TSGA10: variants seen among roughly 807,000 people sequenced by gnomAD.
TSGA10 encodes the protein testis-specific gene 10 protein.
Under a neutral mutation model 96.6 loss-of-function variants are expected in TSGA10, and 43 were observed. The ratio of observed to expected loss-of-function variants is 0.44; its 90% confidence interval spans 0.35 to 0.57. The LOEUF (loss-of-function observed/expected upper bound fraction) is 0.57, where lower values mean the gene tolerates loss of function less well. Ranked by LOEUF, TSGA10 falls within the 20% of genes least tolerant of loss-of-function variation. The pLI, the probability that TSGA10 is intolerant of heterozygous loss-of-function variation, is 0.01. For synonymous variants in TSGA10, 229 were observed against 269.9 expected (o/e 0.85, Z 1.48); for missense variants, 703 against 834.4 (o/e 0.84, Z 1.94).
chr2:99,033,843 A>G (rs2081359897), intron 17 of TSGA10, among the ~76,000 whole-genome samples: 1 of 152,062 alleles, frequency 6.6e-6, no homozygotes, highest in Admixed American at 6.5e-5. Flanking sequence ...AAACAAAACA[A>G]ACAAAAAAAG....
intron 15 of TSGA10, 59 bp downstream of exon 15, chr2:99,068,829 C>T: frequency 3.7e-6 from 3 of 818,966 alleles, no homozygotes; most frequent in Non-Finnish European, 3.6e-6. Flanking sequence ...ATACCAACTT[C>T]TAAATTAACT....
chr2:99,111,670 G>A (rs1308222188), intron 4 of TSGA10, among the ~76,000 whole-genome samples: 1 of 152,042 alleles, frequency 6.6e-6, no homozygotes, highest in Non-Finnish European at 1.5e-5. Context: ...GAAATATTAA[G>A]GGGTGCTATT....
intron 1 of TSGA10, among the ~76,000 whole-genome samples, chr2:99,146,821 G>GTT (rs2093637051): frequency 2.0e-5 from 3 of 152,152 alleles, no homozygotes; most frequent in South Asian, 4.1e-4. Flanking sequence ...TAGAGACAGA[G>GTT]TTTCACCATG....
chr2:99,042,945 C>T (rs564477045), intron 16 of TSGA10, among the ~76,000 whole-genome samples: 20 of 152,102 alleles, frequency 1.3e-4, no homozygotes, highest in African/African-American at 4.6e-4. Flanking sequence ...GTGATCCTCC[C>T]GCCTCAGCCT....
chr2:99,021,493 A>C (rs1182138844), intron 17 of TSGA10, among the ~76,000 whole-genome samples: 1 of 152,176 alleles, frequency 6.6e-6, no homozygotes, highest in African/African-American at 2.4e-5. Context: ...AAATACAAGT[A>C]AATTATAAAC....
At position 99,078,716 on chromosome 2, in the gene TSGA10, T is replaced by C. The variant is rs773785158; in HGVS notation, c.825A>G (p.Ala275=). 5.0e-6 allele frequency: 8 copies of C among 1,613,746 alleles called. No homozygotes were observed. The Admixed American group carries it at 1.3e-4, about 27-fold the overall frequency. Residue 275 remains alanine (A), a synonymous_variant, in exon 12 of 21, where the codon GCA becomes GCG. Transcript: ENST00000393483. ...TATTCTCAGATTTTTTATCCAAACA[T>C]GCTTGCAGGCATTCCTTTTCTTTAG... is the stretch of plus-strand genomic sequence containing the variant. ...DLAKEKECLQ[A]CLDKKSENIA...
At chr2:99,009,822 G>A (rs2078851889) in intron 20 of TSGA10, among the ~76,000 whole-genome samples, 1 of 152,092 alleles carries the variant, frequency 6.6e-6, no homozygotes, top group Non-Finnish European at 1.5e-5. Flanking sequence ...ATTTTTAAAT[G>A]AGCCTCTGTG....
intron 1 of TSGA10, chr2:99,141,348 G>A (rs527388835): frequency 1.8e-5 from 4 of 220,932 alleles, no homozygotes; most frequent in East Asian, 3.6e-4. Flanking sequence ...CTGTACCGGA[G>A]TGGGGCTCGT....
In TSGA10 at chr2:99,035,314, A is replaced by G; in HGVS notation, c.1530T>C (p.Ser510=). 6.2e-7 allele frequency: 1 copy of G among 1,613,262 alleles called. No individual in the cohort carries two copies. The highest frequency in any genetic ancestry group is 1.3e-5 in the African/African-American group (1 of 75,032). ...EKVSALADLS[S]TRELCIKLDS... is the part of the protein sequence containing the mutation. ...CAAGTTTAATACAGAGTTCCCTAGT[A>G]GAAGACAAATCTGCAAGAGCGGACA... Residue 510 remains serine (S), a synonymous_variant, in exon 17 of 21, where the codon TCT becomes TCC. Transcript: ENST00000393483.
chr2:99,092,840 G>A (rs1325326079), intron 10 of TSGA10, among the ~76,000 whole-genome samples: 1 of 151,920 alleles, frequency 6.6e-6, no homozygotes, highest in Non-Finnish European at 1.5e-5. Context: ...AAGAAGAATT[G>A]GTACCAATTC....
At chr2:99,040,683 G>A (rs1374739716) in intron 16 of TSGA10, among the ~76,000 whole-genome samples, 1 of 151,568 alleles carries the variant, frequency 6.6e-6, no homozygotes, top group Non-Finnish European at 1.5e-5. Flanking sequence ...GTAAAAATGA[G>A]CATACTGCCA....
intron 1 of TSGA10, among the ~76,000 whole-genome samples, chr2:99,148,929 T>C (rs1244272248): frequency 6.6e-6 from 1 of 152,048 alleles, no homozygotes; most frequent in Non-Finnish European, 1.5e-5. Flanking sequence ...CTTAAAAGTG[T>C]TTAAAATGGT....
intron 16 of TSGA10, among the ~76,000 whole-genome samples, chr2:99,042,987 A>T (rs774896346): frequency 5.9e-5 from 9 of 152,066 alleles, no homozygotes; most frequent in Non-Finnish European, 1.0e-4. Context: ...GGATGAGGCC[A>T]CCATGCCTGG....
chr2:99,114,982 C>G (rs1407511821), intron 4 of TSGA10, among the ~76,000 whole-genome samples: 1 of 152,118 alleles, frequency 6.6e-6, no homozygotes, highest in Non-Finnish European at 1.5e-5. Flanking sequence ...TTTGCTCAGG[C>G]TAGAGCGTGA....
intron 11 of TSGA10, among the ~76,000 whole-genome samples, chr2:99,080,325 TA>T (rs2087290062): frequency 6.6e-6 from 1 of 152,176 alleles, no homozygotes; most frequent in African/African-American, 2.4e-5. Flanking sequence ...CCTCCCCTTT[TA>T]AAAACACTTC....
chr2:99,049,010 C>A (rs2083099711), intron 16 of TSGA10, among the ~76,000 whole-genome samples: 1 of 152,278 alleles, frequency 6.6e-6, no homozygotes, highest in South Asian at 2.1e-4. Flanking sequence ...TAGAGAAATG[C>A]AAATCAAATT....
intron 20 of TSGA10, among the ~76,000 whole-genome samples, chr2:98,999,211 A>T (rs1048014756): frequency 2.0e-5 from 3 of 151,960 alleles, no homozygotes; most frequent in Non-Finnish European, 4.4e-5. Flanking sequence ...TATAATCATT[A>T]AAAAAAAGTA....
chr2:99,069,729 G>C (rs2085701193), intron 14 of TSGA10, among the ~76,000 whole-genome samples: 2 of 151,900 alleles, frequency 1.3e-5, no homozygotes, highest in African/African-American at 4.8e-5. Flanking sequence ...AATTTAATGA[G>C]ATGCTGTCAT....
intron 1 of TSGA10, among the ~76,000 whole-genome samples, chr2:99,133,531 CTT>C (rs1305457730): frequency 1.3e-5 from 2 of 152,162 alleles, no homozygotes; most frequent in Non-Finnish European, 2.9e-5. Flanking sequence ...GGTCTTGACT[CTT>C]TATCCAATTT....
Sources: gnomAD v4.1 joint callset for allele counts (sites outside exome capture counted in the v4.1 genomes callset) on GRCh38, gnomAD v4.1.1 for gene constraint, MANE v1.5 for transcripts, NCBI Gene and HGNC (gene_info 2026-07-23, HGNC 2026-07-21) for gene names.